Variants in FAM185A observed in about 807,000 individuals in gnomAD.
FAM185A encodes the protein protein FAM185A.
A neutral mutation model predicts 45.7 loss-of-function variants in FAM185A; 21 were observed. The observed-to-expected ratio is 0.46, with a 90% CI of 0.33 to 0.66. The LOEUF (loss-of-function observed/expected upper bound fraction) is 0.66. Ranked by LOEUF, FAM185A falls within the 30% of genes least tolerant of loss-of-function variation. The pLI, the probability that FAM185A is intolerant of heterozygous loss-of-function variation, is 0.03. For synonymous variants in FAM185A, 117 were observed against 194.0 expected (o/e 0.60, Z 3.30); for missense variants, 305 against 485.4 (o/e 0.63, Z 3.49).
At chr7:102,846,841 G>C in the FAM185A span, among the ~76,000 whole-genome samples, 9 of 152,150 alleles carry the variant, frequency 5.9e-5, no homozygotes, top group Non-Finnish European at 1.2e-4. Flanking sequence ...GCAGGGTAGA[G>C]AGCACAAACA....
intron 4 of FAM185A, among the ~76,000 whole-genome samples, chr7:102,768,106 A>G (rs1251351502): frequency 8.0e-6 from 1 of 124,390 alleles, no homozygotes; most frequent in Non-Finnish European, 2.0e-5. Context: ...ATTTCTCCTC[A>G]CTGCAGCTAA....
chr7:102,798,230 A>G (rs886437934), intron 7 of FAM185A, among the ~76,000 whole-genome samples: 5 of 152,246 alleles, frequency 3.3e-5, no homozygotes, highest in Admixed American at 1.3e-4. Flanking sequence ...ATAAGGAGGA[A>G]GGCTTTTGAA....
chr7:102,775,431 A>C (rs1458521770), intron 5 of FAM185A, among the ~76,000 whole-genome samples: 2 of 152,186 alleles, frequency 1.3e-5, no homozygotes. Flanking sequence ...TTTGCTGCAT[A>C]GTTTTAAAAT....
chr7:102,820,969 A>T, the FAM185A span, among the ~76,000 whole-genome samples: 1 of 152,382 alleles, frequency 6.6e-6, no homozygotes, highest in Admixed American at 6.5e-5. Flanking sequence ...GAAAGTCTCC[A>T]TTCATTCTAG....
At chr7:102,826,086 T>C in the FAM185A span, among the ~76,000 whole-genome samples, 1 of 152,214 alleles carries the variant, frequency 6.6e-6, no homozygotes, top group African/African-American at 2.4e-5. Flanking sequence ...AAAAGAGAAC[T>C]TGACTGTTGG....
chr7:102,766,775 G>T (rs1031653930), intron 4 of FAM185A, among the ~76,000 whole-genome samples: 2 of 148,382 alleles, frequency 1.3e-5, no homozygotes, highest in African/African-American at 5.0e-5. Flanking sequence ...ATACAACTTT[G>T]TTTTTTTTGT....
At chr7:102,752,581 T>A (rs1272865706) in intron 2 of FAM185A, among the ~76,000 whole-genome samples, 1 of 151,414 alleles carries the variant, frequency 6.6e-6, no homozygotes, top group Non-Finnish European at 1.5e-5. Flanking sequence ...TAATTAATTT[T>A]TTTTTTTTTT....
intron 3 of FAM185A, among the ~76,000 whole-genome samples, chr7:102,760,744 CAAGAAAAAGA>C (rs1455938376): frequency 2.0e-5 from 3 of 150,238 alleles, no homozygotes; most frequent in Non-Finnish European, 4.4e-5. Flanking sequence ...ATGGTTAAGG[CAAGAAAAAGA>C]AAGAAAAAGC....
chr7:102,776,294 T>G (rs1321060725), intron 5 of FAM185A, among the ~76,000 whole-genome samples: 1 of 151,540 alleles, frequency 6.6e-6, no homozygotes, highest in Admixed American at 6.6e-5. Flanking sequence ...AATATTAAAT[T>G]AAAGATTCAA....
chr7:102,813,247 T>G (rs962805922), downstream of FAM185A: 2 of 1,129,064 alleles, frequency 1.8e-6, no homozygotes, highest in South Asian at 3.1e-5. Context: ...CTTGTTTACA[T>G]TGTTATTGAG....
At chr7:102,815,880 G>A in the FAM185A span, among the ~76,000 whole-genome samples, 14 of 152,268 alleles carry the variant, frequency 9.2e-5, no homozygotes, top group Non-Finnish European at 1.2e-4. Flanking sequence ...CAATTAGCAA[G>A]TAGTGGGGGT....
In FAM185A at chr7:102,801,314, C is replaced by A. The variant is rs534515522; in HGVS notation, c.1067-6976C>A. Among the ~76,000 whole-genome samples the A allele has an allele frequency of 9.3e-5, 14 of 151,158 alleles. No individual in the cohort carries two copies. The East Asian group carries it at 2.7e-3, about 29-fold the overall frequency. On this transcript the variant is annotated intron_variant, in intron 7 of 7. Coordinates refer to ENST00000413034, the MANE Select transcript of FAM185A (RefSeq NM_001145268.2). Reference sequence around the variant, plus strand: ...TCACAGGACCTATAAAACAAAAATACAATTTAAAAAAAAAACAAAAAAACA... The same window carrying A: ...TCACAGGACCTATAAAACAAAAATAAAATTTAAAAAAAAAACAAAAAAACA...
the FAM185A span, among the ~76,000 whole-genome samples, chr7:102,839,299 T>C: frequency 3.9e-5 from 6 of 152,194 alleles, no homozygotes; most frequent in African/African-American, 1.4e-4. Flanking sequence ...ACCGCATTCC[T>C]CTTGCTGAGA....
At chr7:102,845,706 G>A in the FAM185A span, among the ~76,000 whole-genome samples, 3 of 152,044 alleles carry the variant, frequency 2.0e-5, no homozygotes, top group African/African-American at 7.2e-5. Flanking sequence ...CCTTGTTCAG[G>A]TTGCTATCCT....
the FAM185A span, among the ~76,000 whole-genome samples, chr7:102,820,653 T>C: frequency 1.3e-5 from 2 of 152,280 alleles, no homozygotes; most frequent in African/African-American, 4.8e-5. Context: ...GGGTAATTTA[T>C]AAAGAAAAGA....
At chr7:102,778,719 T>A (rs1320190286) in intron 6 of FAM185A, among the ~76,000 whole-genome samples, 1 of 152,226 alleles carries the variant, frequency 6.6e-6, no homozygotes, top group Non-Finnish European at 1.5e-5. Flanking sequence ...ACTGGGACCA[T>A]GTTACTGGCA....
chr7:102,750,233 C>G (rs1468979514), intron 1 of FAM185A, among the ~76,000 whole-genome samples: 3 of 152,152 alleles, frequency 2.0e-5, no homozygotes, highest in Non-Finnish European at 4.4e-5. Context: ...AATAATAATG[C>G]CTGCAAGATA....
downstream of FAM185A, chr7:102,813,509 A>T: frequency 6.2e-7 from 1 of 1,614,016 alleles, no homozygotes; most frequent in African/African-American, 1.3e-5. Flanking sequence ...TGAACTTTAG[A>T]TGACATTCTT....
At chr7:102,750,042 T>TG (rs1056660004) in intron 1 of FAM185A, among the ~76,000 whole-genome samples, 2 of 152,186 alleles carry the variant, frequency 1.3e-5, no homozygotes, top group Non-Finnish European at 2.9e-5. Flanking sequence ...GCTCACAGCC[T>TG]GGGGGTCTGT....
Sources: gnomAD v4.1 joint callset for allele counts (sites outside exome capture counted in the v4.1 genomes callset) on GRCh38, gnomAD v4.1.1 for gene constraint, MANE v1.5 for transcripts, NCBI Gene and HGNC (gene_info 2026-07-23, HGNC 2026-07-21) for gene names.